The following ENPP1 variants were observed in gnomAD, a reference collection of about 807,000 sequenced individuals.
ENPP1 encodes ectonucleotide pyrophosphatase/phosphodiesterase 1.
Under a neutral mutation model 122.8 loss-of-function variants are expected in ENPP1, and 73 were observed. That is an observed-to-expected ratio of 0.59 (90% CI 0.49 to 0.72). The LOEUF is 0.72. Among genes scored for constraint, ENPP1 ranks in the 30% least tolerant of loss-of-function variants. The pLI, the probability that ENPP1 is intolerant of heterozygous loss-of-function variation, is 0.00. For synonymous variants in ENPP1, 367 were observed against 391.6 expected (o/e 0.94, Z 0.74); for missense variants, 978 against 1,128.1 (o/e 0.87, Z 1.91).
chr6:131,834,235 A>T (rs1447351816), intron 1 of ENPP1, among the ~76,000 whole-genome samples: 1 of 152,208 alleles, frequency 6.6e-6, no homozygotes, highest in Non-Finnish European at 1.5e-5. Flanking sequence ...GTTAAATTTT[A>T]TCTTTTTCTT....
At position 131,874,327 on chromosome 6, in the gene ENPP1, C is replaced by G; in HGVS notation, c.1625C>G (p.Ser542Ter). 1 of 1,577,354 alleles carries G rather than the reference C, an allele frequency of 6.3e-7. No individual in the cohort carries two copies. The highest frequency in any genetic ancestry group is 8.7e-7 in the Non-Finnish European group (1 of 1,147,994). Reference protein sequence around the residue: ...SGFHGSDNVFSNMQALFVGYG... With the variant: ...SGFHGSDNVF ...TTTCATGGCTCTGACAATGTATTTTCAAATATGCAAGTGAGTAAACCTATT... is the reference window on the plus strand; with the variant it reads ...TTTCATGGCTCTGACAATGTATTTTGAAATATGCAAGTGAGTAAACCTATT... The change falls in exon 16 of 25, where the codon TCA becomes TGA. Residue 542 changes from serine to a stop codon, truncating the protein, a stop_gained. Transcript: ENST00000647893. LOFTEE classifies it high-confidence loss of function.
At chr6:131,831,178 A>AT (rs928361532) in intron 1 of ENPP1, among the ~76,000 whole-genome samples, 5 of 151,138 alleles carry the variant, frequency 3.3e-5, no homozygotes, top group Non-Finnish European at 5.9e-5. Flanking sequence ...ATGAAATGGA[A>AT]TTTTTTTGGT....
At position 131,860,411 on chromosome 6, in the gene ENPP1, A is replaced by T. The variant is rs376979987; in HGVS notation, c.820A>T (p.Ile274Leu). The T allele has an allele frequency of 5.0e-6, 8 of 1,596,354 alleles. No homozygotes were observed. Among genetic ancestry groups the T allele is most frequent in the Non-Finnish European group, 6.9e-6 (8 of 1,164,478 alleles). Reference sequence around the variant, plus strand: ...GGGATTGTATCCAGAATCTCATGGCATAATCGACAATAAAATGTATGATCC... The same window carrying T: ...GGGATTGTATCCAGAATCTCATGGCTTAATCGACAATAAAATGTATGATCC... ...VTGLYPESHG[I>L]IDNKMYDPKM... The change falls in exon 8 of 25, where the codon ATA becomes TTA. Residue 274 changes from isoleucine to leucine, a missense_variant. This residue lies in a region of ENPP1 where 644 missense variants were observed against 781.5 expected (regional missense o/e 0.82). Coordinates refer to ENST00000647893, the MANE Select transcript of ENPP1 (RefSeq NM_006208.3).
intron 13 of ENPP1, 45 bp downstream of exon 13, chr6:131,869,534 A>G: frequency 6.3e-7 from 1 of 1,596,574 alleles, no homozygotes; most frequent in Non-Finnish European, 8.6e-7. Flanking sequence ...CATATTAAGA[A>G]TACCTTCCTT....
At chr6:131,827,471 T>C (rs1178589095) in intron 1 of ENPP1, 4 of 647,456 alleles carry the variant, frequency 6.2e-6, no homozygotes, top group East Asian at 2.7e-5. Context: ...TGGTATAAAA[T>C]GAAGCCAGAA....
chr6:131,883,764 G>C lies in ENPP1; in HGVS notation c.2301G>C (p.Gln767His), dbSNP rs775961188. 5.4e-6 allele frequency: 8 copies of C among 1,481,172 alleles called. No homozygotes were observed. The highest frequency in any genetic ancestry group is 7.5e-6 in the Non-Finnish European group (8 of 1,059,610). 91.8% of individuals were successfully genotyped at this position (1,481,172 alleles called of 1,614,324 possible). Reference protein sequence around the residue: ...LLTTNIVPMYQSFQVIWRYFH... With the variant: ...LLTTNIVPMYHSFQVIWRYFH... ...CTACAAATATAGTGCCAATGTACCA[G>C]AGTTTTCAAGGTAAATAATGTTAAC... is the stretch of plus-strand genomic sequence containing the variant. Residue 767 changes from glutamine to histidine, a missense_variant, in exon 22 of 25, where the codon CAG becomes CAC. Coordinates refer to ENST00000647893, the MANE Select transcript of ENPP1 (RefSeq NM_006208.3).
rs376909275 is a variant in ENPP1, at chr6:131,811,604, G to A, written c.240+3329G>A. Among the ~76,000 whole-genome samples, 106 of 152,158 alleles carry A rather than the reference G, an allele frequency of 7.0e-4. 4 individuals carry two copies. The South Asian group carries it at 0.021, about 30-fold the overall frequency. ...TATCAAGCATTCATGTTACAATAACGAGCTATTGGTTGGCTATACATTGTT... is the reference window on the plus strand; with the variant it reads ...TATCAAGCATTCATGTTACAATAACAAGCTATTGGTTGGCTATACATTGTT... On this transcript the variant is annotated intron_variant, in intron 1 of 24. Coordinates refer to ENST00000647893, the MANE Select transcript of ENPP1 (RefSeq NM_006208.3).
intron 12 of ENPP1, 39 bp downstream of exon 12, chr6:131,868,165 G>A: frequency 6.9e-7 from 1 of 1,442,812 alleles, no homozygotes; most frequent in South Asian, 1.1e-5. Flanking sequence ...CAGGATAAAG[G>A]GCTGAAGAAA....
Position 131,852,827 on chromosome 6 carries a change from A to AT in ENPP1, c.617+597dup, listed in dbSNP as rs1255408128. Among the ~76,000 whole-genome samples the AT allele has an allele frequency of 3.3e-5, 5 of 151,892 alleles. No homozygotes were observed. In the South Asian group the frequency reaches 1.0e-3, roughly 32 times the overall value. On this transcript the variant is annotated intron_variant, in intron 5 of 24. Coordinates refer to ENST00000647893, the MANE Select transcript of ENPP1 (RefSeq NM_006208.3). ...TTTTTGTATTTTGGTCCATTTATAC[A>AT]TTTTTGGGATAACAACCTATTTGTG...
chr6:131,842,030 TC>T (rs1328796719), intron 1 of ENPP1, among the ~76,000 whole-genome samples: 1 of 152,084 alleles, frequency 6.6e-6, no homozygotes, highest in East Asian at 1.9e-4. Context: ...TCCAGCCCCT[TC>T]CCTTCCCACT....
At position 131,876,502 on chromosome 6, in the gene ENPP1, C is replaced by T. The variant is rs60994967; in HGVS notation, c.1724-490C>T. Among the ~76,000 whole-genome samples, 386 of 152,218 alleles carry T rather than the reference C, an allele frequency of 2.5e-3. 1 individual carries two copies. The highest frequency in any genetic ancestry group is 8.8e-3 in the African/African-American group (366 of 41,552). Reference sequence around the variant, plus strand: ...CTAAAATACTTAAAACAGCAGCTGGCATATAGTAAGTGCTTACTACATAAG... The same window carrying T: ...CTAAAATACTTAAAACAGCAGCTGGTATATAGTAAGTGCTTACTACATAAG... On this transcript the variant is annotated intron_variant, in intron 17 of 24. Coordinates refer to ENST00000647893, the MANE Select transcript of ENPP1 (RefSeq NM_006208.3).
chr6:131,875,898 A>C, intron 17 of ENPP1, 35 bp downstream of exon 17: 3 of 1,500,436 alleles, frequency 2.0e-6, no homozygotes, highest in Non-Finnish European at 2.8e-6. Context: ...TCCCTTCTGA[A>C]AATAGACCTG....
chr6:131,882,424 C>G lies in ENPP1; in HGVS notation c.2180C>G (p.Ser727Ter). ...RIPLSPVHKC[S>*]FYKNNTKVSY... ...CCTCTTAGTCCTGTCCATAAATGTT[C>G]ATTTTATAAAAATAACACCAAAGTG... Residue 727 changes from serine (S) to a stop codon, truncating the protein, a stop_gained, in exon 21 of 25, where the codon TCA (serine) becomes TGA (stop). Coordinates refer to ENST00000647893, the MANE Select transcript of ENPP1 (RefSeq NM_006208.3). LOFTEE classifies it high-confidence loss of function. 6.2e-7 allele frequency: 1 copy of G among 1,609,090 alleles called. No individual in the cohort carries two copies. Among genetic ancestry groups the G allele is most frequent in the Admixed American group, 1.7e-5 (1 of 59,908 alleles).
Position 131,885,044 on chromosome 6 carries a change from T to G in ENPP1, c.2425T>G (p.Ser809Ala). The change falls in exon 23 of 25, where the codon TCC becomes GCC. Residue 809 changes from serine (S) to alanine (A), a missense_variant. By Grantham distance (99) the Ser-to-Ala change is moderately conservative. Coordinates refer to ENST00000647893, the MANE Select transcript of ENPP1 (RefSeq NM_006208.3). ...CTTTGATTATGATGGACGTTGTGATTCCTTAGAGAATCTGAGGCAGTAAGA... is the reference window on the plus strand; with the variant it reads ...CTTTGATTATGATGGACGTTGTGATGCCTTAGAGAATCTGAGGCAGTAAGA... ...FDFDYDGRCD[S>A]LENLRQKRRV... 6.2e-7 allele frequency: 1 copy of G among 1,614,080 alleles called. No homozygotes were observed. Among genetic ancestry groups the G allele is most frequent in the Non-Finnish European group, 8.5e-7 (1 of 1,179,956 alleles).
intron 1 of ENPP1, among the ~76,000 whole-genome samples, chr6:131,840,589 C>G (rs975093400): frequency 1.3e-5 from 2 of 152,140 alleles, no homozygotes; most frequent in Non-Finnish European, 2.9e-5. Context: ...AGGCTCCTGC[C>G]AACTTTGTGA....
intron 1 of ENPP1, among the ~76,000 whole-genome samples, chr6:131,821,873 G>C (rs961699115): frequency 1.3e-5 from 2 of 152,132 alleles, no homozygotes; most frequent in Non-Finnish European, 2.9e-5. Flanking sequence ...GCTTTTTCAG[G>C]TGATGTAAAA....
chr6:131,890,593 T>C lies in ENPP1; in HGVS notation c.*82T>C. On this transcript the variant is annotated 3_prime_UTR_variant, in exon 25 of 25. Transcript: ENST00000647893. The stretch of plus-strand genomic sequence containing the variant: ...TAGTCCTCTAGCTACACTATTGCAT[T>C]GTTCAGAAACTGTCGACCAGAGTTA... 3 of 1,257,300 alleles carry C rather than the reference T, an allele frequency of 2.4e-6. No homozygotes were observed. Among genetic ancestry groups the C allele is most frequent in the Non-Finnish European group, 3.5e-6 (3 of 859,516 alleles). 77.9% of individuals were successfully genotyped at this position (1,257,300 alleles called of 1,614,324 possible). A position where few individuals can be genotyped will look rare whatever the true frequency, so the allele number is the denominator to read the frequency against.
intron 1 of ENPP1, among the ~76,000 whole-genome samples, chr6:131,847,009 A>T (rs528334674): frequency 6.6e-6 from 1 of 152,208 alleles, no homozygotes; most frequent in African/African-American, 2.4e-5. Context: ...TAAATTTTAT[A>T]GATGAATAAA....
rs1562189656 is a variant in ENPP1, at chr6:131,893,821, G to A, written c.*3310G>A. 1 of 151,792 alleles carries A rather than the reference G, an allele frequency of 6.6e-6. No individual in the cohort carries two copies. Among genetic ancestry groups the A allele is most frequent in the African/African-American group, 2.4e-5 (1 of 41,352 alleles). 9.4% of individuals were successfully genotyped at this position (151,792 alleles called of 1,614,324 possible). A position where few individuals can be genotyped will look rare whatever the true frequency, so the allele number is the denominator to read the frequency against. ...AAAGTGACTGATCTCTACTCCCCCA[G>A]TTTGAATGGTAAATTTGAATGGTAA... On this transcript the variant is annotated 3_prime_UTR_variant, in exon 25 of 25. Transcript: ENST00000647893.
Sources: allele counts gnomAD v4.1 joint callset (sites outside exome capture counted in the v4.1 genomes callset), GRCh38; gene constraint gnomAD v4.1.1; regional missense constraint gnomAD v4.1.1; transcripts MANE v1.5; gene names NCBI Gene and HGNC (gene_info 2026-07-23, HGNC 2026-07-21).